TTLL5: variants seen among roughly 807,000 people sequenced by gnomAD.
TTLL5 encodes tubulin tyrosine ligase like 5.
TTLL5 carries 132 observed loss-of-function variants against 168.4 expected under a neutral mutation model. That is an observed-to-expected ratio of 0.78 (90% CI 0.68 to 0.91). The LOEUF (loss-of-function observed/expected upper bound fraction) is 0.91, where lower values mean the gene tolerates loss of function less well. TTLL5 is among the 40% of genes least tolerant of loss of function. The pLI is 0.00. For missense variants in TTLL5, 1,545 were observed against 1,581.5 expected (o/e 0.98, Z 0.39); for synonymous variants, 546 against 558.6 (o/e 0.98, Z 0.32).
intron 27 of TTLL5, among the ~76,000 whole-genome samples, chr14:75,800,084 C>A (rs1053867450): frequency 1.3e-5 from 2 of 152,208 alleles, no homozygotes; most frequent in African/African-American, 4.8e-5. Context: ...GATTTCTCTT[C>A]TTCCTCGGGA....
intron 10 of TTLL5, 76 bp from the exon 11 acceptor site, chr14:75,719,659 G>C (rs941927715): frequency 2.2e-5 from 28 of 1,283,252 alleles, no homozygotes; most frequent in African/African-American, 3.1e-5. Flanking sequence ...AAGACAAGAA[G>C]GCTATTTGCA....
intron 31 of TTLL5, among the ~76,000 whole-genome samples, chr14:75,933,058 C>T (rs1039395824): frequency 2.2e-4 from 33 of 152,114 alleles, no homozygotes; most frequent in Admixed American, 2.0e-3. Flanking sequence ...TCTTCTTTGC[C>T]CAAGCATTCT....
intron 29 of TTLL5, among the ~76,000 whole-genome samples, chr14:75,874,330 G>A (rs1410079817): frequency 6.6e-6 from 1 of 152,122 alleles, no homozygotes; most frequent in Non-Finnish European, 1.5e-5. Flanking sequence ...CTGACTTTGT[G>A]ATCCACCCGC....
chr14:75,677,390 CTTTTTTTTTT>C (rs11349214), intron 3 of TTLL5, among the ~76,000 whole-genome samples: 4 of 78,342 alleles, frequency 5.1e-5, no homozygotes, highest in African/African-American at 9.0e-5. Flanking sequence ...CTCTCTCTCT[CTTTTTTTTTT>C]TTTTTTTTTT....
chr14:75,674,783 T>C (rs944039132), intron 3 of TTLL5, among the ~76,000 whole-genome samples: 1 of 152,150 alleles, frequency 6.6e-6, no homozygotes, highest in African/African-American at 2.4e-5. Context: ...AAGCTATATA[T>C]GTGATTTGAA....
intron 7 of TTLL5, 144 bp from the exon 8 acceptor site, chr14:75,706,874 A>G: frequency 1.7e-6 from 1 of 582,842 alleles, no homozygotes; most frequent in Non-Finnish European, 3.0e-6. Flanking sequence ...CCAACTGAAT[A>G]TATGGGTACC....
chr14:75,937,194 G>A (rs911150316), intron 31 of TTLL5, among the ~76,000 whole-genome samples: 49 of 151,030 alleles, frequency 3.2e-4, no homozygotes, highest in African/African-American at 1.1e-3. Flanking sequence ...TCAGCTCACT[G>A]CAACTGCCAA....
chr14:75,802,016 C>G (rs1301271601), intron 27 of TTLL5, among the ~76,000 whole-genome samples: 1 of 151,954 alleles, frequency 6.6e-6, no homozygotes, highest in East Asian at 1.9e-4. Flanking sequence ...TTTTTGTTTC[C>G]TCTTACCTGT....
intron 30 of TTLL5, among the ~76,000 whole-genome samples, chr14:75,894,960 ATAT>A (rs1395505479): frequency 7.2e-5 from 11 of 152,242 alleles, no homozygotes; most frequent in African/African-American, 2.7e-4. Context: ...CAAATCATTA[ATAT>A]TAGTGGGTAA....
intron 26 of TTLL5, among the ~76,000 whole-genome samples, chr14:75,786,031 A>G (rs899396834): frequency 2.6e-5 from 4 of 152,242 alleles, no homozygotes; most frequent in African/African-American, 7.2e-5. Flanking sequence ...GACATGTTTT[A>G]TAAATAGCCA....
chr14:75,699,573 CTACACACCAAGTATTAATTG>C (rs1288605837), intron 7 of TTLL5, among the ~76,000 whole-genome samples: 1 of 152,196 alleles, frequency 6.6e-6, no homozygotes, highest in Non-Finnish European at 1.5e-5. Context: ...ATGTTAATTC[CTACACACCAAGTATTAATTG>C]ATAGCGTATG....
At chr14:75,837,932 G>GAC (rs1895964151) in intron 28 of TTLL5, among the ~76,000 whole-genome samples, 1 of 152,072 alleles carries the variant, frequency 6.6e-6, no homozygotes. Context: ...CATCTTGATA[G>GAC]ACACTTGGTT....
intron 26 of TTLL5, among the ~76,000 whole-genome samples, chr14:75,791,730 A>G (rs1232050210): frequency 1.3e-5 from 2 of 152,190 alleles, no homozygotes; most frequent in Admixed American, 6.5e-5. Flanking sequence ...ACTAAATAAT[A>G]TAGTAAACGT....
intron 9 of TTLL5, chr14:75,710,566 A>G (rs1386244121): frequency 6.6e-6 from 1 of 152,232 alleles, no homozygotes; most frequent in Non-Finnish European, 1.5e-5. Flanking sequence ...TGAATATAAA[A>G]GCTTTATCAA....
intron 12 of TTLL5, among the ~76,000 whole-genome samples, chr14:75,728,835 T>A (rs936083230): frequency 1.3e-4 from 19 of 149,008 alleles, no homozygotes; most frequent in African/African-American, 4.7e-4. Flanking sequence ...AAAGGAGGAG[T>A]GGAAAGGGGA....
chr14:75,802,976 G>T (rs1383195147), intron 27 of TTLL5, among the ~76,000 whole-genome samples: 1 of 152,208 alleles, frequency 6.6e-6, no homozygotes, highest in Non-Finnish European at 1.5e-5. Flanking sequence ...CGAGTGACAG[G>T]CTAAGGATGT....
intron 29 of TTLL5, among the ~76,000 whole-genome samples, chr14:75,867,127 T>C (rs1002214346): frequency 7.9e-5 from 12 of 152,312 alleles, no homozygotes; most frequent in Admixed American, 7.2e-4. Context: ...CTGTTGCAAC[T>C]ACTCAGCTCT....
intron 27 of TTLL5, among the ~76,000 whole-genome samples, chr14:75,809,253 C>A (rs1893841197): frequency 6.6e-6 from 1 of 152,116 alleles, no homozygotes; most frequent in Non-Finnish European, 1.5e-5. Flanking sequence ...TGTCTTGATG[C>A]TCCATGGACT....
chr14:75,882,662 T>C, intron 29 of TTLL5, 23 bp from the exon 30 acceptor site: 1 of 1,595,306 alleles, frequency 6.3e-7, no homozygotes, highest in East Asian at 2.2e-5. Flanking sequence ...CCATCGATCA[T>C]TTTTTTCCTT....
Sources: allele counts gnomAD v4.1 joint callset (sites outside exome capture counted in the v4.1 genomes callset), GRCh38; gene constraint gnomAD v4.1.1; transcripts MANE v1.5; gene names NCBI Gene and HGNC (gene_info 2026-07-23, HGNC 2026-07-21).